Variants in POLR3E observed in about 807,000 individuals in gnomAD.
The protein encoded by POLR3E is RNA polymerase III subunit E.
In POLR3E, 41 loss-of-function variants were observed where a neutral mutation model predicts 96.6. That is an observed-to-expected ratio of 0.42 (90% CI 0.33 to 0.55). The LOEUF (loss-of-function observed/expected upper bound fraction) is 0.55. Ranked by LOEUF, POLR3E falls within the 20% of genes least tolerant of loss-of-function variation. The probability of loss-of-function intolerance (pLI) is 0.06; values close to 1 mark genes in which losing one functional copy is unlikely to be tolerated. For synonymous variants in POLR3E, 396 were observed against 383.6 expected (o/e 1.03, Z -0.38); for missense variants, 849 against 952.1 (o/e 0.89, Z 1.43).
chr16:22,331,812 T>C lies in POLR3E; in HGVS notation c.1945-248T>C. On this transcript the variant is annotated intron_variant, in intron 19 of 20. Coordinates refer to ENST00000299853, the MANE Select transcript of POLR3E (RefSeq NM_018119.4). ...TTCTTTTGTTATGCTGGCATATACC[T>C]TTGTTTTTATTTATATTCAAGTTTC... 7.7e-6 allele frequency: 3 copies of C among 388,966 alleles called. No individual in the cohort carries two copies. In the South Asian group the frequency reaches 8.2e-5, roughly 11 times the overall value. The allele number at this position is 388,966 out of a possible 1,614,324, so 24.1% of individuals were successfully genotyped here. A position where few individuals can be genotyped will look rare whatever the true frequency, so the allele number is the denominator to read the frequency against.
chr16:22,324,590 G>C lies in POLR3E; in HGVS notation c.1216G>C (p.Gly406Arg). 6.2e-7 allele frequency: 1 copy of C among 1,613,610 alleles called. No individual in the cohort carries two copies. Among genetic ancestry groups the C allele is most frequent in the Non-Finnish European group, 8.5e-7 (1 of 1,179,826 alleles). ...CTGGGAGTTCATTCTGCCTTATGAT[G>C]GGGAGTTCATCAAGAAGCACCCGGA... ...KGWEFILPYD[G>R]EFIKKHPDVV... Residue 406 changes from glycine (G) to arginine (R), a missense_variant, in exon 16 of 21, where the codon GGG becomes CGG. Gly to Arg is a moderately radical substitution (Grantham distance 125, BLOSUM62 -2). Transcript: ENST00000299853.
In POLR3E at chr16:22,321,311, C is replaced by T. The variant is rs1598264875; in HGVS notation, c.987-1539C>T. ...TTTAAGTAATGTAGTTTAAGGTGAG[C>T]AATGTGACAAAATGTGAAATGTTGA... On this transcript the variant is annotated intron_variant, in intron 13 of 20. Coordinates refer to ENST00000299853, the MANE Select transcript of POLR3E (RefSeq NM_018119.4). Among the ~76,000 whole-genome samples, 5 of 152,336 alleles carry T rather than the reference C, an allele frequency of 3.3e-5. 1 individual carries two copies. Among genetic ancestry groups the T allele is most frequent in the Admixed American group, 3.3e-4 (5 of 15,300 alleles).
At chr16:22,324,281 C>A in intron 14 of POLR3E, 73 bp from the exon 15 acceptor site, 2 of 1,259,714 alleles carry the variant, frequency 1.6e-6, no homozygotes, top group Non-Finnish European at 2.3e-6. Flanking sequence ...CCAGGCCTGC[C>A]AGGTGAGTTC....
chr16:22,332,248 G>C, intron 20 of POLR3E, 63 bp downstream of exon 20: 3 of 1,484,712 alleles, frequency 2.0e-6, no homozygotes, highest in Non-Finnish European at 2.8e-6. Context: ...ACAGTGTGTA[G>C]AAGGGACTCT....
chr16:22,316,087 TC>T (rs1288912367), intron 9 of POLR3E, among the ~76,000 whole-genome samples: 1 of 152,180 alleles, frequency 6.6e-6, no homozygotes, highest in African/African-American at 2.4e-5. Context: ...ACTCCTGATT[TC>T]TCTGGAACCT....
At position 22,324,294 on chromosome 16, in the gene POLR3E, G is replaced by A. The variant is rs375975654; in HGVS notation, c.1069-60G>A. 1.8e-4 allele frequency: 252 copies of A among 1,424,398 alleles called. 1 individual carries two copies. The highest frequency in any genetic ancestry group is 2.4e-4 in the Non-Finnish European group (240 of 1,009,714). 88.2% of individuals were successfully genotyped at this position (1,424,398 alleles called of 1,614,324 possible). ...TCCCAGGCCTGCCAGGTGAGTTCCC[G>A]GGACAGTCCTGGGAGCAGTCCGTGG... is the stretch of plus-strand genomic sequence containing the variant. On this transcript the variant is annotated intron_variant, in intron 14 of 20. Transcript: ENST00000299853.
chr16:22,333,640 A>G lies in POLR3E; in HGVS notation c.2071-4A>G, dbSNP rs368203857. On this transcript the variant is annotated splice_region_variant and splice_polypyrimidine_tract_variant and intron_variant, in intron 20 of 20. Coordinates refer to ENST00000299853, the MANE Select transcript of POLR3E (RefSeq NM_018119.4). ...TCTGTGCTTACCCTGTTTCTCTCTC[A>G]TAGGACTGCTGTGTAAGCTATGGTG... 1.2e-5 allele frequency: 19 copies of G among 1,608,134 alleles called. No homozygotes were observed. Among genetic ancestry groups the G allele is most frequent in the Non-Finnish European group, 1.5e-5 (18 of 1,174,672 alleles).
At chr16:22,324,751 T>C in intron 16 of POLR3E, 91 bp downstream of exon 16, 1 of 1,362,076 alleles carries the variant, frequency 7.3e-7, no homozygotes, top group Non-Finnish European at 1.0e-6. Context: ...GAGCAATCTC[T>C]AGAAACCCCA....
At position 22,332,175 on chromosome 16, in the gene POLR3E, A is replaced by G; in HGVS notation, c.2060A>G (p.Lys687Arg). The change falls in exon 20 of 21, where the codon AAA (lysine) becomes AGA (arginine). Residue 687 changes from lysine (K) to arginine (R), a missense_variant. By Grantham distance (26) the Lys-to-Arg change is conservative. Coordinates refer to ENST00000299853, the MANE Select transcript of POLR3E (RefSeq NM_018119.4). ...GEDLSKQEVD[K>R]VLKDCCVSYG... ...GATCTCAGTAAACAGGAGGTGGATA[A>G]AGTACTAAAGGTACATCCATTTTGT... 4.3e-6 allele frequency: 7 copies of G among 1,613,522 alleles called. No individual in the cohort carries two copies. The highest frequency in any genetic ancestry group is 5.9e-6 in the Non-Finnish European group (7 of 1,179,508).
chr16:22,316,887 C>A, intron 10 of POLR3E, 108 bp from the exon 11 acceptor site: 1 of 744,924 alleles, frequency 1.3e-6, no homozygotes, highest in South Asian at 1.4e-5. Context: ...TGGGGGAGGG[C>A]GGGGGTGGGC....
chr16:22,334,495 G>A lies in POLR3E; in HGVS notation c.*795G>A, dbSNP rs1416108292. ...CAGGAAGGCGATCTTGTTGGGCTCA[G>A]CGTTACGTGTATCTAGAGGGAACGG... On this transcript the variant is annotated 3_prime_UTR_variant, in exon 21 of 21. Transcript: ENST00000299853. 6.6e-6 allele frequency: 1 copy of A among 152,184 alleles called. No individual in the cohort carries two copies. Among genetic ancestry groups the A allele is most frequent in the Non-Finnish European group, 1.5e-5 (1 of 68,032 alleles). 9.4% of individuals were successfully genotyped at this position (152,184 alleles called of 1,614,324 possible).
chr16:22,299,317 AG>A (rs2047972211), intron 1 of POLR3E, among the ~76,000 whole-genome samples: 1 of 151,730 alleles, frequency 6.6e-6, no homozygotes. Context: ...AAGATTATGT[AG>A]GGCCTTAGGT....
chr16:22,308,855 G>A (rs1036519414), intron 4 of POLR3E, 70 bp from the exon 5 acceptor site: 10 of 1,014,712 alleles, frequency 9.9e-6, no homozygotes, highest in South Asian at 2.8e-5. Flanking sequence ...GCCATGGTGG[G>A]GTTGGGGTGT....
At chr16:22,308,681 C>A (rs970800811) in intron 4 of POLR3E, among the ~76,000 whole-genome samples, 5 of 152,080 alleles carry the variant, frequency 3.3e-5, no homozygotes, top group Non-Finnish European at 7.4e-5. Context: ...TAATTTAGGT[C>A]TTTGGGAGTG....
At position 22,318,096 on chromosome 16, in the gene POLR3E, C is replaced by T. The variant is rs975132106; in HGVS notation, c.866-730C>T. ...TAGGCTTCCTTCCTGCAGAGGACTT[C>T]GAACTTTTTTTTTTTTTGAGACAGT... On this transcript the variant is annotated intron_variant, in intron 12 of 20. Coordinates refer to ENST00000299853, the MANE Select transcript of POLR3E (RefSeq NM_018119.4). This position sits in a 1 kb window ranked among gnomAD's most constrained non-coding sequence, Gnocchi z 5.0. Among the ~76,000 whole-genome samples, 1 of 148,746 alleles carries T rather than the reference C, an allele frequency of 6.7e-6. No homozygotes were observed. Among genetic ancestry groups the T allele is most frequent in the Non-Finnish European group, 1.5e-5 (1 of 67,888 alleles).
rs2048662022 is a variant in POLR3E, at chr16:22,328,551, G to A, written c.1908G>A (p.Val636=). The change falls in exon 19 of 21, where the codon GTG becomes GTA. Residue 636 remains valine, a synonymous_variant. Coordinates refer to ENST00000299853, the MANE Select transcript of POLR3E (RefSeq NM_018119.4). The part of the protein sequence containing the change: ...QTAASPDEQK[V]FALWESGDMS... The stretch of plus-strand genomic sequence containing the variant: ...CTGCTTCCCCGGATGAGCAGAAGGT[G>A]TTTGCCCTCTGGGAGTCTGGAGACA... The A allele has an allele frequency of 3.1e-6, 5 of 1,614,134 alleles. No homozygotes were observed. In the East Asian group the frequency reaches 1.1e-4, roughly 36 times the overall value.
At chr16:22,302,684 AG>A in intron 1 of POLR3E, 1 of 484,074 alleles carries the variant, frequency 2.1e-6, no homozygotes, top group Non-Finnish European at 3.7e-6. Context: ...CCGCAGGTGC[AG>A]CCCACACTTG....
rs2048300469 is a variant in POLR3E, at chr16:22,313,937, A to C, written c.473-142A>C. 1.2e-5 allele frequency: 9 copies of C among 777,452 alleles called. 1 individual carries two copies. The East Asian group carries it at 2.4e-4, about 20-fold the overall frequency. The allele number at this position is 777,452 out of a possible 1,614,324, so 48.2% of individuals were successfully genotyped here. A position where few individuals can be genotyped will look rare whatever the true frequency, so the allele number is the denominator to read the frequency against. ...GGGTAAAGGGGCAAAACTGTCCCCG[A>C]TTGAGAACCACTGGCTTAGGCAGCT... On this transcript the variant is annotated intron_variant, in intron 7 of 20. Transcript: ENST00000299853. This position sits in a 1 kb window ranked among gnomAD's most constrained non-coding sequence, Gnocchi z 4.1.
chr16:22,323,300 G>A (rs930584019), intron 14 of POLR3E, among the ~76,000 whole-genome samples: 1 of 152,044 alleles, frequency 6.6e-6, no homozygotes, highest in Admixed American at 6.6e-5. Flanking sequence ...ACACCCCTGG[G>A]GCCACTTCCC....
Sources: allele counts gnomAD v4.1 joint callset (sites outside exome capture counted in the v4.1 genomes callset), GRCh38; gene constraint gnomAD v4.1.1; non-coding constraint Gnocchi (gnomAD v3.1); transcripts MANE v1.5; gene names NCBI Gene and HGNC (gene_info 2026-07-23, HGNC 2026-07-21).